Variants in PARD3B observed in about 807,000 individuals in gnomAD.
The protein encoded by PARD3B is par-3 family cell polarity regulator beta, also known as partitioning defective 3 homolog B.
Under a neutral mutation model 130.2 loss-of-function variants are expected in PARD3B, and 103 were observed. That is an observed-to-expected ratio of 0.79 (90% CI 0.67 to 0.93). The LOEUF is 0.93. PARD3B is among the 40% of genes least tolerant of loss of function. The probability of loss-of-function intolerance (pLI) is 0.00; values close to 1 mark genes in which losing one functional copy is unlikely to be tolerated. For synonymous variants in PARD3B, 583 were observed against 553.2 expected (o/e 1.05, Z -0.76); for missense variants, 1,609 against 1,499.2 (o/e 1.07, Z -1.21).
intron 19 of PARD3B, among the ~76,000 whole-genome samples, chr2:205,420,532 A>C (rs1040422452): frequency 2.0e-5 from 3 of 152,104 alleles, no homozygotes; most frequent in Admixed American, 6.6e-5. Flanking sequence ...TCACATATCC[A>C]TCAACACCTG....
intron 2 of PARD3B, among the ~76,000 whole-genome samples, chr2:204,885,605 T>C (rs2125679120): frequency 6.6e-6 from 1 of 152,364 alleles, no homozygotes; most frequent in South Asian, 2.1e-4. Flanking sequence ...GATAGACTCA[T>C]TGATAAATGG....
intron 3 of PARD3B, among the ~76,000 whole-genome samples, chr2:205,044,645 A>G (rs984295910): frequency 1.3e-5 from 2 of 151,792 alleles, no homozygotes; most frequent in Non-Finnish European, 2.9e-5. Context: ...CCACTTTTTG[A>G]TGGGGTTGTT....
chr2:205,393,863 G>A (rs915561965), intron 18 of PARD3B, among the ~76,000 whole-genome samples: 1 of 152,240 alleles, frequency 6.6e-6, no homozygotes, highest in South Asian at 2.1e-4. Context: ...GCGTATGTAT[G>A]GGAGTCTAGG....
intron 1 of PARD3B, among the ~76,000 whole-genome samples, chr2:204,681,053 AT>A (rs2036806307): frequency 6.6e-6 from 1 of 152,072 alleles, no homozygotes; most frequent in Non-Finnish European, 1.5e-5. Flanking sequence ...TTTTTAAAAT[AT>A]TTTTTAAAGA....
chr2:205,253,518 G>A lies in PARD3B; in HGVS notation c.2185+7696G>A, dbSNP rs2039946678. ...TGGAAGTACCTGGGGAAGCAGGAGA[G>A]ACTCACACTGCTGTCATGGCCCCAC... On this transcript the variant is annotated intron_variant, in intron 16 of 22. Coordinates refer to ENST00000406610, the MANE Select transcript of PARD3B (RefSeq NM_001302769.2). This position sits in a 1 kb window ranked among gnomAD's most constrained non-coding sequence, Gnocchi z 4.4. 1.8e-6 allele frequency: 1 copy of A among 546,196 alleles called. No individual in the cohort carries two copies. Among genetic ancestry groups the A allele is most frequent in the East Asian group, 4.8e-5 (1 of 20,676 alleles). 33.8% of individuals were successfully genotyped at this position (546,196 alleles called of 1,614,324 possible).
Position 205,589,212 on chromosome 2 carries a change from C to T in PARD3B, c.3261-26244C>T, listed in dbSNP as rs185818089. ...CTGAGATAGGAGGATCTCTTGAGCC[C>T]GGGAGGTCGAGGCAGCTGTAGTAAG... On this transcript the variant is annotated intron_variant, in intron 22 of 22. Transcript: ENST00000406610. This position sits in a 1 kb window ranked among gnomAD's most constrained non-coding sequence, Gnocchi z 4.1. 3.9e-5 allele frequency among the ~76,000 whole-genome samples: 6 copies of T among 152,288 alleles called. No individual in the cohort carries two copies. In the East Asian group the frequency reaches 7.7e-4, roughly 20 times the overall value.
At chr2:205,006,499 A>G (rs1311454214) in intron 3 of PARD3B, among the ~76,000 whole-genome samples, 1 of 152,208 alleles carries the variant, frequency 6.6e-6, no homozygotes, top group Non-Finnish European at 1.5e-5. Flanking sequence ...AATAATGGCC[A>G]TTCTTGCAGA....
chr2:204,766,965 C>CTTTTTTTTTTTTTTTTTCT (rs68009060), intron 2 of PARD3B, among the ~76,000 whole-genome samples: 3 of 114,480 alleles, frequency 2.6e-5, no homozygotes, highest in Non-Finnish European at 5.3e-5. Flanking sequence ...TTTTCTTTTT[C>CTTTTTTTTTTTTTTTTTCT]TTTTTTTTTT....
rs1482215128 is a variant in PARD3B, at chr2:205,461,818, TG to T, written c.3044+21147del. 6.6e-6 allele frequency among the ~76,000 whole-genome samples: 1 copy of T among 152,232 alleles called. No individual in the cohort carries two copies. The highest frequency in any genetic ancestry group is 1.5e-5 in the Non-Finnish European group (1 of 68,046). On this transcript the variant is annotated intron_variant, in intron 20 of 22. Transcript: ENST00000406610. This position sits in a 1 kb window ranked among gnomAD's most constrained non-coding sequence, Gnocchi z 4.3. The stretch of plus-strand genomic sequence containing the variant: ...ATACTCATGCTGCTGGCCTGGGTTC[TG>T]TCGGTGGTGAATCATTAGTTTAAGG...
chr2:204,832,428 A>G (rs16836655), intron 2 of PARD3B, among the ~76,000 whole-genome samples: 12 of 152,234 alleles, frequency 7.9e-5, no homozygotes, highest in African/African-American at 2.9e-4. Context: ...GGAACATTGA[A>G]TCATCGCATG....
chr2:204,891,801 G>C (rs1160601416), intron 2 of PARD3B, among the ~76,000 whole-genome samples: 1 of 152,152 alleles, frequency 6.6e-6, no homozygotes, highest in Non-Finnish European at 1.5e-5. Flanking sequence ...GCTCTCAGTA[G>C]TTAGGAGTAT....
chr2:204,953,619 A>G (rs1026249281), intron 2 of PARD3B, among the ~76,000 whole-genome samples: 1 of 152,122 alleles, frequency 6.6e-6, no homozygotes, highest in African/African-American at 2.4e-5. Flanking sequence ...TTCTTTTTGA[A>G]CTTGGAAACT....
At chr2:205,102,469 T>C (rs774325636) in intron 4 of PARD3B, among the ~76,000 whole-genome samples, 3 of 151,912 alleles carry the variant, frequency 2.0e-5, no homozygotes, top group Non-Finnish European at 2.9e-5. Flanking sequence ...TCTCCACTTA[T>C]CTGTAAGCAT....
chr2:204,737,285 C>G lies in PARD3B; in HGVS notation c.222+51003C>G, dbSNP rs144633405. ...CACTGACTTTTTAATCGTGGCCATTCTTGCAGGAGTAGGGTGATAACTCAT... is the reference window on the plus strand; with the variant it reads ...CACTGACTTTTTAATCGTGGCCATTGTTGCAGGAGTAGGGTGATAACTCAT... On this transcript the variant is annotated intron_variant, in intron 2 of 22. Coordinates refer to ENST00000406610, the MANE Select transcript of PARD3B (RefSeq NM_001302769.2). Among the ~76,000 whole-genome samples, 149 of 152,272 alleles carry G rather than the reference C, an allele frequency of 9.8e-4. 2 individuals carry two copies. The East Asian group carries it at 0.028, about 29-fold the overall frequency.
At chr2:204,953,733 C>G (rs926119354) in intron 2 of PARD3B, among the ~76,000 whole-genome samples, 2 of 152,154 alleles carry the variant, frequency 1.3e-5, no homozygotes, top group African/African-American at 2.4e-5. Flanking sequence ...TCACAGCAAC[C>G]TAGATTTTTG....
chr2:204,562,380 A>C (rs2031374636), intron 1 of PARD3B, among the ~76,000 whole-genome samples: 1 of 152,208 alleles, frequency 6.6e-6, no homozygotes, highest in Admixed American at 6.5e-5. Flanking sequence ...AAATGAACTT[A>C]AACTCCTAAA....
intron 21 of PARD3B, among the ~76,000 whole-genome samples, chr2:205,510,336 C>G (rs1281089525): frequency 6.6e-6 from 1 of 152,158 alleles, no homozygotes; most frequent in African/African-American, 2.4e-5. Flanking sequence ...ACCCTTCTAT[C>G]TTAGTTATTA....
chr2:204,608,438 G>A (rs189348694), intron 1 of PARD3B, among the ~76,000 whole-genome samples: 31 of 152,230 alleles, frequency 2.0e-4, no homozygotes, highest in Admixed American at 1.8e-3. Flanking sequence ...GGGAGGACAC[G>A]GAATAAAGCT....
intron 1 of PARD3B, among the ~76,000 whole-genome samples, chr2:204,663,387 T>G (rs955236743): frequency 1.3e-5 from 2 of 152,216 alleles, no homozygotes; most frequent in Non-Finnish European, 2.9e-5. Context: ...TGCTTAAAGG[T>G]ATTTGCTGAA....
Sources: allele counts gnomAD v4.1 joint callset (sites outside exome capture counted in the v4.1 genomes callset), GRCh38; gene constraint gnomAD v4.1.1; non-coding constraint Gnocchi (gnomAD v3.1); transcripts MANE v1.5; gene names NCBI Gene and HGNC (gene_info 2026-07-23, HGNC 2026-07-21).